DIDO1: variants seen among roughly 807,000 people sequenced by gnomAD.
DIDO1 encodes the protein death-inducer obliterator 1.
In DIDO1, 16 loss-of-function variants were observed where a neutral mutation model predicts 99.4. The ratio of observed to expected loss-of-function variants is 0.16; its 90% CI spans 0.11 to 0.24. The LOEUF (loss-of-function observed/expected upper bound fraction) is 0.24, where lower values mean the gene tolerates loss of function less well. Ranked by LOEUF, DIDO1 falls within the 10% of genes least tolerant of loss-of-function variation. The pLI is 1.00. For synonymous variants in DIDO1, 1,366 were observed against 1,239.1 expected, an observed-to-expected ratio of 1.10 and a Z score of -2.15; for missense variants, 2,996 against 3,014.0, an observed-to-expected ratio of 0.99 and a Z score of 0.14.
rs1600948765 is a variant in DIDO1, at chr20:62,896,805, T to C, written c.1780A>G (p.Ile594Val). ...KKPPSGFKGT[I>V]PKRPWLSATP... is the part of the protein sequence containing the mutation. ...GCGGAGAGCCATGGCCTCTTGGGGATGGTGCCCTTGAAACCTGAGGGTGGC... is the reference window on the plus strand; with the variant it reads ...GCGGAGAGCCATGGCCTCTTGGGGACGGTGCCCTTGAAACCTGAGGGTGGC... The change falls in exon 7 of 16, where the codon ATC (isoleucine) becomes GTC (valine). Residue 594 changes from isoleucine (I) to valine (V), a missense_variant. By Grantham distance (29) the Ile-to-Val change is conservative. Transcript: ENST00000395343. The surrounding 1 kb of genome is among the most constrained non-coding windows in gnomAD (Gnocchi z 4.4). The C allele has an allele frequency of 6.2e-7, 1 of 1,614,180 alleles. No individual in the cohort carries two copies. Among genetic ancestry groups the C allele is most frequent in the Non-Finnish European group, 8.5e-7 (1 of 1,180,046 alleles).
At position 62,905,970 on chromosome 20, in the gene DIDO1, G is replaced by A. The variant is rs201736293; in HGVS notation, c.1505C>T (p.Thr502Met). 1.4e-5 allele frequency: 23 copies of A among 1,613,932 alleles called. No individual in the cohort carries two copies. The highest frequency in any genetic ancestry group is 4.5e-5 in the East Asian group (2 of 44,898). Residue 502 changes from threonine (T) to methionine (M), a missense_variant, in exon 6 of 16, where the codon ACG becomes ATG. Thr to Met is a moderately conservative substitution (Grantham distance 81, BLOSUM62 -1). Coordinates refer to ENST00000395343, the MANE Select transcript of DIDO1 (RefSeq NM_001193369.2). ...ATTGTGATCGCTCGCCCACGACGGC[G>A]TGCTGCTCTCACAAGCTGCTTCCTT... ...LGKEAACESS[T>M]PSWASDHNYN... is the part of the protein sequence containing the mutation.
intron 1 of DIDO1, among the ~76,000 whole-genome samples, chr20:62,924,606 C>T (rs2065218139): frequency 6.6e-6 from 1 of 152,164 alleles, no homozygotes; most frequent in African/African-American, 2.4e-5. Context: ...AAAACGGGAG[C>T]CAATGCCCAT....
chr20:62,892,715 C>G (rs1336326088), intron 13 of DIDO1, 94 bp downstream of exon 13: 1 of 1,460,408 alleles, frequency 6.8e-7, no homozygotes. Flanking sequence ...TCTCTCCTAC[C>G]TCATGAATTA....
chr20:62,896,976 A>G lies in DIDO1; in HGVS notation c.1609T>C (p.Ser537Pro). The G allele has an allele frequency of 1.2e-6, 2 of 1,612,708 alleles. No individual in the cohort carries two copies. The highest frequency in any genetic ancestry group is 1.7e-6 in the Non-Finnish European group (2 of 1,179,488). ...GCCATGGCTGCCGCTTTCTCCTCGG[A>G]CCTCCTGTCTTCCTTCGTGGCTACA... Reference protein sequence around the residue: ...LYKSTKEDRRSEEKAAAMAAS... With the variant: ...LYKSTKEDRRPEEKAAAMAAS... The change falls in exon 7 of 16, where the codon TCC becomes CCC. Residue 537 changes from serine to proline, a missense_variant. Ser to Pro is a moderately conservative substitution (Grantham distance 74). This residue lies in a region of DIDO1 where 898 missense variants were observed against 972.7 expected (regional missense o/e 0.92). Coordinates refer to ENST00000395343, the MANE Select transcript of DIDO1 (RefSeq NM_001193369.2). The surrounding 1 kb of genome is among the most constrained non-coding windows in gnomAD (Gnocchi z 4.4).
intron 1 of DIDO1, among the ~76,000 whole-genome samples, chr20:62,920,017 G>A (rs944571708): frequency 3.3e-5 from 5 of 152,154 alleles, no homozygotes; most frequent in African/African-American, 1.2e-4. Flanking sequence ...CAGTAAAAAA[G>A]AAAGTATGGT....
At chr20:62,882,444 A>T (rs756164942) in intron 15 of DIDO1, 30 bp from the exon 16 acceptor site, 16 of 1,583,600 alleles carry the variant, frequency 1.0e-5, no homozygotes, top group Non-Finnish European at 1.3e-5. Flanking sequence ...TGCAAATTTT[A>T]GAATCTAAAT....
At chr20:62,925,437 A>G (rs1346497282) in intron 1 of DIDO1, among the ~76,000 whole-genome samples, 1 of 152,226 alleles carries the variant, frequency 6.6e-6, no homozygotes, top group Non-Finnish European at 1.5e-5. Context: ...GAATATACCG[A>G]AAAGACGTTC....
intron 1 of DIDO1, among the ~76,000 whole-genome samples, chr20:62,923,424 T>C (rs1313350984): frequency 2.0e-5 from 3 of 152,186 alleles, no homozygotes; most frequent in Non-Finnish European, 2.9e-5. Flanking sequence ...TCCACCCATC[T>C]TGGCCTCCCA....
At chr20:62,921,727 T>C (rs539442363) in intron 1 of DIDO1, among the ~76,000 whole-genome samples, 1 of 151,112 alleles carries the variant, frequency 6.6e-6, no homozygotes, top group East Asian at 1.9e-4. Context: ...TCAATCTCCC[T>C]GGGCTCAGGT....
intron 6 of DIDO1, among the ~76,000 whole-genome samples, chr20:62,903,508 G>A (rs2064730840): frequency 1.3e-5 from 2 of 152,208 alleles, no homozygotes; most frequent in Non-Finnish European, 2.9e-5. Context: ...AGGGAGGCAG[G>A]GCAGGGGCCT....
At chr20:62,936,837 C>A (rs959867315) in intron 1 of DIDO1, among the ~76,000 whole-genome samples, 1 of 152,266 alleles carries the variant, frequency 6.6e-6, no homozygotes, top group Admixed American at 6.5e-5. Context: ...GCGCTCCAGC[C>A]TGGGCGAGAG....
In DIDO1 at chr20:62,914,905, A is replaced by G. The variant is rs185986007; in HGVS notation, c.-199-499T>C. ...TTAAAAACAAGAAAAATTTTAGAAT[A>G]CTAATGTTTGTGACGTACTAAAATC... is the stretch of plus-strand genomic sequence containing the variant. On this transcript the variant is annotated intron_variant, in intron 1 of 15. Coordinates refer to ENST00000395343, the MANE Select transcript of DIDO1 (RefSeq NM_001193369.2). Among the ~76,000 whole-genome samples the G allele has an allele frequency of 5.8e-4, 89 of 152,368 alleles. No individual in the cohort carries two copies. In the South Asian group the frequency reaches 6.8e-3, roughly 12 times the overall value.
Position 62,880,853 on chromosome 20 carries a change from C to T in DIDO1, c.5103G>A (p.Glu1701=), listed in dbSNP as rs772516652. The change falls in exon 16 of 16, where the codon GAG becomes GAA. Residue 1701 remains glutamate (E), a synonymous_variant. Coordinates refer to ENST00000395343, the MANE Select transcript of DIDO1 (RefSeq NM_001193369.2). Reference sequence around the variant, plus strand: ...CAGCAGAATGAAGATTTCTTGGGTCCTCATACTGGGCTGAGCCGAGAGCCT... The same window carrying T: ...CAGCAGAATGAAGATTTCTTGGGTCTTCATACTGGGCTGAGCCGAGAGCCT... ...QDKALGSAQY[E]DPRNLHSAGR... The T allele has an allele frequency of 2.5e-6, 4 of 1,612,696 alleles. No individual in the cohort carries two copies. The South Asian group carries it at 3.3e-5, about 13-fold the overall frequency.
In DIDO1 at chr20:62,881,361, G is replaced by A; in HGVS notation, c.4595C>T (p.Ala1532Val). Residue 1532 changes from alanine (A) to valine (V), a missense_variant, in exon 16 of 16, where the codon GCA (alanine) becomes GTA (valine). This residue lies in a region of DIDO1 where 1,562 missense variants were observed against 1,412.6 expected (regional missense o/e 1.11). Coordinates refer to ENST00000395343, the MANE Select transcript of DIDO1 (RefSeq NM_001193369.2). The surrounding 1 kb of genome is among the most constrained non-coding windows in gnomAD (Gnocchi z 8.3). ...SPPPKSSLPK[A>V]ELFQQEQQSA... ...CTGCTGCTCTTGCTGGAACAGCTCT[G>A]CCTTGGGCAAGGACGACTTTGGTGG... 1 of 1,606,180 alleles carries A rather than the reference G, an allele frequency of 6.2e-7. No homozygotes were observed. The highest frequency in any genetic ancestry group is 8.5e-7 in the Non-Finnish European group (1 of 1,179,874).
upstream of DIDO1, among the ~76,000 whole-genome samples, chr20:62,928,116 C>G (rs1053590558): frequency 4.6e-5 from 7 of 152,182 alleles, no homozygotes; most frequent in African/African-American, 1.7e-4. Flanking sequence ...GTCTCTTTAG[C>G]TGAGGATCTT....
chr20:62,925,265 T>G lies in DIDO1; in HGVS notation c.-200+1174A>C, dbSNP rs531469982. The stretch of plus-strand genomic sequence containing the variant: ...ACAGGGGCCACCTTGGTCACTGCTG[T>G]ATCCCTCGTGCTAACAGTAAGCAAT... On this transcript the variant is annotated intron_variant, in intron 1 of 15. Transcript: ENST00000395343. 8.3e-4 allele frequency among the ~76,000 whole-genome samples: 126 copies of G among 152,334 alleles called. No homozygotes were observed. In the Middle Eastern group the frequency reaches 0.014, roughly 16 times the overall value.
intron 1 of DIDO1, among the ~76,000 whole-genome samples, chr20:62,925,637 G>A (rs925827244): frequency 6.6e-6 from 1 of 152,212 alleles, no homozygotes; most frequent in Non-Finnish European, 1.5e-5. Flanking sequence ...CCTTTATTTA[G>A]AGCAGAAAAG....
rs529788578 is a variant in DIDO1, at chr20:62,906,954, T to G, written c.1374+193A>C. On this transcript the variant is annotated intron_variant, in intron 5 of 15. Coordinates refer to ENST00000395343, the MANE Select transcript of DIDO1 (RefSeq NM_001193369.2). ...CAGCATTTGCTTTACTGCACTTGTGTTAATTAACCCCTCAGCTAACGGGCA... is the reference window on the plus strand; with the variant it reads ...CAGCATTTGCTTTACTGCACTTGTGGTAATTAACCCCTCAGCTAACGGGCA... Among the ~76,000 whole-genome samples the G allele has an allele frequency of 1.1e-4, 17 of 152,314 alleles. No homozygotes were observed. In the East Asian group the frequency reaches 3.3e-3, roughly 29 times the overall value.
intron 4 of DIDO1, 55 bp from the exon 5 acceptor site, chr20:62,907,414 A>T: frequency 6.4e-7 from 1 of 1,559,926 alleles, no homozygotes; most frequent in Non-Finnish European, 8.7e-7. Context: ...TTAAGCAGTT[A>T]AGTGTGTGTT....
Sources: gnomAD v4.1 joint callset for allele counts (sites outside exome capture counted in the v4.1 genomes callset) on GRCh38, gnomAD v4.1.1 for gene constraint, gnomAD v4.1.1 regional missense constraint, Gnocchi (gnomAD v3.1) non-coding constraint, MANE v1.5 for transcripts, NCBI Gene and HGNC (gene_info 2026-07-23, HGNC 2026-07-21) for gene names.